The following SLCO4A1 variants were observed in gnomAD, a reference collection of about 807,000 sequenced individuals.
SLCO4A1 encodes colon organic anion transporter.
In SLCO4A1, 51 loss-of-function variants were observed where a neutral mutation model predicts 64.6. The observed-to-expected ratio is 0.79, with a 90% CI of 0.63 to 1.00. The LOEUF (loss-of-function observed/expected upper bound fraction) is 1.00. Ranked by LOEUF, SLCO4A1 falls within the 50% of genes least tolerant of loss-of-function variation. The pLI, the probability that SLCO4A1 is intolerant of heterozygous loss-of-function variation, is 0.00. For synonymous variants in SLCO4A1, 471 were observed against 444.9 expected, an observed-to-expected ratio of 1.06 and a Z score of -0.74; for missense variants, 919 against 980.5, an observed-to-expected ratio of 0.94 and a Z score of 0.84.
At chr20:62,671,664 C>T in intron 11 of SLCO4A1, 86 bp from the exon 12 acceptor site, 1 of 1,285,922 alleles carries the variant, frequency 7.8e-7, no homozygotes, top group Non-Finnish European at 1.1e-6. Context: ...CAGGCTGGGG[C>T]AGGGACAGGA....
rs1986883074 is a variant in SLCO4A1, at chr20:62,669,084, C to G, written c.2025+6C>G. 1.2e-6 allele frequency: 2 copies of G among 1,608,346 alleles called. No homozygotes were observed. Among genetic ancestry groups the G allele is most frequent in the Non-Finnish European group, 1.7e-6 (2 of 1,179,702 alleles). On this transcript the variant is annotated splice_donor_region_variant and intron_variant, in intron 11 of 11. Transcript: ENST00000217159. The stretch of plus-strand genomic sequence containing the variant: ...TCATGGGGCTCCTGTACAAGGTAAG[C>G]AGGCCCAGGGAGGGGACAGAGGGTC...
rs59460798 is a variant in SLCO4A1, at chr20:62,661,184, C to G, written c.1121+9C>G. 1.1e-5 allele frequency: 18 copies of G among 1,599,428 alleles called. No individual in the cohort carries two copies. The African/African-American group carries it at 2.0e-4, about 18-fold the overall frequency. ...ATCAGAGACCTGCCTCTGTAAGGACCGGAGTCGGGAGGGTTCCTAGTGTCC... is the reference window on the plus strand; with the variant it reads ...ATCAGAGACCTGCCTCTGTAAGGACGGGAGTCGGGAGGGTTCCTAGTGTCC... On this transcript the variant is annotated intron_variant, in intron 5 of 11. Transcript: ENST00000217159. The surrounding 1 kb of genome is among the most constrained non-coding windows in gnomAD (Gnocchi z 5.2).
At chr20:62,684,175 A>G (rs1343022398) in intron 2 of SLCO4A1, among the ~76,000 whole-genome samples, 1 of 152,206 alleles carries the variant, frequency 6.6e-6, no homozygotes, top group Non-Finnish European at 1.5e-5. Flanking sequence ...CCCCAACAGC[A>G]GTGGGAGGTC....
rs547024540 is a variant in SLCO4A1 at position 62,644,036 on chromosome 20, G to A, written c.-97+1483G>A. Among the ~76,000 whole-genome samples the A allele has an allele frequency of 4.5e-4, 69 of 152,358 alleles. No homozygotes were observed. The highest frequency in any genetic ancestry group is 6.8e-3 in the Middle Eastern group (2 of 294). On this transcript the variant is annotated intron_variant, in intron 1 of 11. Transcript: ENST00000217159. This position sits in a 1 kb window ranked among gnomAD's most constrained non-coding sequence, Gnocchi z 5.4. ...CCTGTTTTACGACTCTGTTCTTAAA[G>A]AGGCAAAAGGCGACTGCAGGGTCAG...
rs761071836 is a variant in SLCO4A1, at chr20:62,657,195, G to A, written c.741G>A (p.Leu247=). 2 of 1,549,744 alleles carry A rather than the reference G, an allele frequency of 1.3e-6. No individual in the cohort carries two copies. Among genetic ancestry groups the A allele is most frequent in the South Asian group, 2.4e-5 (2 of 84,490 alleles). The change falls in exon 2 of 12, where the codon CTG becomes CTA. Residue 247 remains leucine, a synonymous_variant. Transcript: ENST00000217159. The stretch of plus-strand genomic sequence containing the variant: ...TGGGTGCCACACCCCTCTACACGCT[G>A]GGCGTCACCTACCTGGATGAGAACG... ...HGVGATPLYT[L]GVTYLDENVK... is the part of the protein sequence containing the mutation.
chr20:62,646,691 A>G (rs1197060274), intron 1 of SLCO4A1, among the ~76,000 whole-genome samples: 3 of 152,176 alleles, frequency 2.0e-5, no homozygotes, highest in African/African-American at 7.2e-5. Flanking sequence ...GCCCACTTTG[A>G]GTAGGACGCT....
chr20:62,671,288 TC>T lies in SLCO4A1; in HGVS notation c.2026-460del, dbSNP rs1286730628. Among the ~76,000 whole-genome samples, 5 of 152,124 alleles carry T rather than the reference TC, an allele frequency of 3.3e-5. No homozygotes were observed. The East Asian group carries it at 9.7e-4, about 30-fold the overall frequency. Reference sequence around the variant, plus strand: ...GCAGGTGGGGGCAGGGCGGGCTCCTTCCGCCGCTCTGGCTCTCTGCAGCTGC... The same window carrying T: ...GCAGGTGGGGGCAGGGCGGGCTCCTTCGCCGCTCTGGCTCTCTGCAGCTGC... On this transcript the variant is annotated intron_variant, in intron 11 of 11. Coordinates refer to ENST00000217159, the MANE Select transcript of SLCO4A1 (RefSeq NM_016354.4).
chr20:62,671,890 C>T lies in SLCO4A1; in HGVS notation c.2166C>T (p.Val722=). ...CAGATAGCCAGCTCCAGAGCAGCGT[C>T]TGACCACCGCCCGCGCCCACCCGGC... is the stretch of plus-strand genomic sequence containing the variant. The part of the protein sequence containing the change: ...SATDSQLQSS[V] The change falls in exon 12 of 12, where the codon GTC becomes GTT. Residue 722 remains valine, a synonymous_variant. Transcript: ENST00000217159. 1 of 1,610,910 alleles carries T rather than the reference C, an allele frequency of 6.2e-7. No individual in the cohort carries two copies. The highest frequency in any genetic ancestry group is 2.2e-5 in the East Asian group (1 of 44,892).
At chr20:62,664,200 C>T (rs997426093) in intron 5 of SLCO4A1, among the ~76,000 whole-genome samples, 2 of 152,016 alleles carry the variant, frequency 1.3e-5, no homozygotes, top group African/African-American at 2.4e-5. Context: ...AGAGTTCCCA[C>T]AGTTCCCCCC....
Position 62,666,460 on chromosome 20 carries a change from G to A in SLCO4A1, c.1357G>A (p.Ala453Thr), listed in dbSNP as rs765269103. Residue 453 changes from alanine (A) to threonine (T), a missense_variant, in exon 7 of 12, where the codon GCG (alanine) becomes ACG (threonine). Physicochemically the swap from Ala to Thr is moderately conservative, Grantham distance 58. Transcript: ENST00000217159. ...GAACAAGCTCAGGCTCCGGGGCTCCGCGGTCATCAAGTTCTGCCTGTTCTG... is the reference window on the plus strand; with the variant it reads ...GAACAAGCTCAGGCTCCGGGGCTCCACGGTCATCAAGTTCTGCCTGTTCTG... Reference protein sequence around the residue: ...FVNKLRLRGSAVIKFCLFCTV... With the variant: ...FVNKLRLRGSTVIKFCLFCTV... The A allele has an allele frequency of 1.3e-5, 21 of 1,613,328 alleles. No individual in the cohort carries two copies. The highest frequency in any genetic ancestry group is 4.5e-5 in the East Asian group (2 of 44,858).
At chr20:62,674,589 C>G (rs1419620342), downstream of SLCO4A1, among the ~76,000 whole-genome samples, 2 of 152,166 alleles carry the variant, frequency 1.3e-5, no homozygotes, top group Non-Finnish European at 2.9e-5. Flanking sequence ...ATGACGATTC[C>G]AAGGGTCTGA....
chr20:62,650,734 C>A (rs556199508), intron 1 of SLCO4A1: 1 of 152,226 alleles, frequency 6.6e-6, no homozygotes, highest in Non-Finnish European at 1.5e-5. Context: ...ACCAAGCATG[C>A]GTCTGGCTGT....
chr20:62,658,843 GC>G, intron 3 of SLCO4A1, 76 bp downstream of exon 3: 2 of 1,293,746 alleles, frequency 1.5e-6, no homozygotes, highest in Non-Finnish European at 1.1e-6. Context: ...AGTCAGCAGG[GC>G]CCACTCTGAG....
chr20:62,666,917 G>A (rs1221595697), intron 7 of SLCO4A1, among the ~76,000 whole-genome samples: 4 of 152,188 alleles, frequency 2.6e-5, no homozygotes. Context: ...GACATAAAAA[G>A]TGTCCCAGGA....
Position 62,661,126 on chromosome 20 carries a change from G to C in SLCO4A1, c.1072G>C (p.Gly358Arg). The change falls in exon 5 of 12, where the codon GGG becomes CGG. Residue 358 changes from glycine (G) to arginine (R), a missense_variant. By Grantham distance (125) the Gly-to-Arg change is moderately radical. Transcript: ENST00000217159. This position sits in a 1 kb window ranked among gnomAD's most constrained non-coding sequence, Gnocchi z 5.2. ...GCACCAGTTGAAGGACAGCAGCCGT[G>C]GGGAGGCGAGCAACCCGGACTTTGG... ...EMHQLKDSSR[G>R]EASNPDFGKT... 1.3e-6 allele frequency: 2 copies of C among 1,576,180 alleles called. No individual in the cohort carries two copies.
Position 62,661,041 on chromosome 20 carries a change from C to CCCCCCCCCCCCCCCAACAA in SLCO4A1, c.1010-23_1010-22insCCCCCCCCCCCCCCAACAA. On this transcript the variant is annotated intron_variant, in intron 4 of 11. Transcript: ENST00000217159. The surrounding 1 kb of genome is among the most constrained non-coding windows in gnomAD (Gnocchi z 5.2). The stretch of plus-strand genomic sequence containing the variant: ...TCCGGGAGCCCCCAGCCCCCAGCCC[C>CCCCCCCCCCCCCCCAACAA]AGCTCACTCTGTGCCCTTCCAGGCT... 1 of 1,424,144 alleles carries CCCCCCCCCCCCCCCAACAA rather than the reference C, an allele frequency of 7.0e-7. No individual in the cohort carries two copies. The highest frequency in any genetic ancestry group is 9.9e-7 in the Non-Finnish European group (1 of 1,010,142). 88.2% of individuals were successfully genotyped at this position (1,424,144 alleles called of 1,614,324 possible).
downstream of SLCO4A1, among the ~76,000 whole-genome samples, chr20:62,674,255 C>A (rs1023331980): frequency 2.6e-5 from 4 of 152,200 alleles, no homozygotes; most frequent in African/African-American, 9.7e-5. Flanking sequence ...CTGGCCGCAC[C>A]TGTCAGAGGC....
chr20:62,657,171 G>T lies in SLCO4A1; in HGVS notation c.717G>T (p.Val239=). The T allele has an allele frequency of 3.2e-6, 5 of 1,556,174 alleles. No individual in the cohort carries two copies. The highest frequency in any genetic ancestry group is 4.3e-6 in the Non-Finnish European group (5 of 1,150,834). Residue 239 remains valine, a synonymous_variant, in exon 2 of 12, where the codon GTG becomes GTT. Transcript: ENST00000217159. ...TGCTGGGCCAGTTCCTGCATGGCGTGGGTGCCACACCCCTCTACACGCTGG... is the reference window on the plus strand; with the variant it reads ...TGCTGGGCCAGTTCCTGCATGGCGTTGGTGCCACACCCCTCTACACGCTGG... ...VFMLGQFLHG[V]GATPLYTLGV...
rs368659184 is a variant in SLCO4A1 at position 62,664,651 on chromosome 20, G to A, written c.1122-283G>A. Reference sequence around the variant, plus strand: ...GCCACAGGCATAGGCTCAGCCTGGCGCCCCCTGGGTTTCTCTGGAATAAGT... The same window carrying A: ...GCCACAGGCATAGGCTCAGCCTGGCACCCCCTGGGTTTCTCTGGAATAAGT... On this transcript the variant is annotated intron_variant, in intron 5 of 11. Transcript: ENST00000217159. Among the ~76,000 whole-genome samples the A allele has an allele frequency of 1.6e-4, 24 of 152,260 alleles. 1 individual carries two copies. In the South Asian group the frequency reaches 3.1e-3, roughly 20 times the overall value.
Sources: allele counts gnomAD v4.1 joint callset (sites outside exome capture counted in the v4.1 genomes callset), GRCh38; gene constraint gnomAD v4.1.1; non-coding constraint Gnocchi (gnomAD v3.1); transcripts MANE v1.5; gene names NCBI Gene and HGNC (gene_info 2026-07-23, HGNC 2026-07-21).